Variants in HS2ST1 observed in about 807,000 individuals in gnomAD.
HS2ST1 encodes heparan sulfate 2-O-sulfotransferase 1, also known as 2-O-sulfotransferase.
Under a neutral mutation model 42.9 loss-of-function variants are expected in HS2ST1, and 18 were observed. The observed-to-expected ratio is 0.42, with a 90% CI of 0.29 to 0.62. The LOEUF is 0.62. Ranked by LOEUF, HS2ST1 falls within the 20% of genes least tolerant of loss-of-function variation. The pLI, the probability that HS2ST1 is intolerant of heterozygous loss-of-function variation, is 0.21. For synonymous variants in HS2ST1, 146 were observed against 152.9 expected (o/e 0.95, Z 0.33); for missense variants, 334 against 433.8 (o/e 0.77, Z 2.04).
At chr1:87,061,247 T>G (rs1398883748) in intron 1 of HS2ST1, among the ~76,000 whole-genome samples, 1 of 152,130 alleles carries the variant, frequency 6.6e-6, no homozygotes. Context: ...TTGGTAATTT[T>G]TTTGAAGTGA....
At chr1:87,096,268 TA>T (rs1652064593) in intron 4 of HS2ST1, among the ~76,000 whole-genome samples, 1 of 152,202 alleles carries the variant, frequency 6.6e-6, no homozygotes, top group African/African-American at 2.4e-5. Flanking sequence ...TTTGCTACAT[TA>T]AAATCTATTG....
intron 1 of HS2ST1, chr1:86,993,002 C>T (rs1316499626): frequency 1.6e-5 from 23 of 1,476,186 alleles, no homozygotes; most frequent in East Asian, 9.8e-5. Context: ...TGTTCCTTTC[C>T]TCCCAGTGTG....
At chr1:87,013,031 A>C (rs949949751) in intron 1 of HS2ST1, among the ~76,000 whole-genome samples, 1 of 152,160 alleles carries the variant, frequency 6.6e-6, no homozygotes, top group Non-Finnish European at 1.5e-5. Flanking sequence ...GACTGTGTTC[A>C]TGGGCTAGCT....
At chr1:87,065,256 A>G (rs951544609) in intron 1 of HS2ST1, among the ~76,000 whole-genome samples, 1 of 152,200 alleles carries the variant, frequency 6.6e-6, no homozygotes, top group Non-Finnish European at 1.5e-5. Context: ...CATTCCTAGA[A>G]AATGCAAAGG....
At chr1:87,082,065 A>G (rs2100642683) in intron 2 of HS2ST1, among the ~76,000 whole-genome samples, 1 of 152,212 alleles carries the variant, frequency 6.6e-6, no homozygotes, top group African/African-American at 2.4e-5. Context: ...AAAAAGGGAG[A>G]CCTTACAACT....
At chr1:86,921,531 T>C (rs1332726552) in intron 1 of HS2ST1, among the ~76,000 whole-genome samples, 4 of 152,108 alleles carry the variant, frequency 2.6e-5, no homozygotes, top group African/African-American at 9.7e-5. Context: ...GGAGGGTGTT[T>C]AGGTGATGAG....
chr1:86,957,164 C>A (rs1647698827), intron 1 of HS2ST1, among the ~76,000 whole-genome samples: 2 of 152,226 alleles, frequency 1.3e-5, no homozygotes, highest in South Asian at 4.1e-4. Context: ...CATTTATAGT[C>A]TAAGTTTCTT....
At chr1:86,952,963 A>G (rs1041977568) in intron 1 of HS2ST1, among the ~76,000 whole-genome samples, 1 of 152,162 alleles carries the variant, frequency 6.6e-6, no homozygotes, top group Non-Finnish European at 1.5e-5. Context: ...CTCTATAGCT[A>G]TGAAAGTCCT....
intron 1 of HS2ST1, among the ~76,000 whole-genome samples, chr1:86,974,354 G>T (rs1202368644): frequency 6.6e-6 from 1 of 152,178 alleles, no homozygotes; most frequent in Non-Finnish European, 1.5e-5. Context: ...GCATTGAAAT[G>T]AGTCCAGAGA....
chr1:86,935,614 C>T (rs1277176273), intron 1 of HS2ST1, among the ~76,000 whole-genome samples: 2 of 151,750 alleles, frequency 1.3e-5, no homozygotes, highest in Middle Eastern at 3.4e-3. Context: ...AGGCGTGCAC[C>T]ACCACTCCCA....
intron 1 of HS2ST1, among the ~76,000 whole-genome samples, chr1:86,985,405 TATACAC>T (rs1570464758): frequency 9.7e-5 from 3 of 30,954 alleles, no homozygotes; most frequent in Admixed American, 5.3e-4. Context: ...CACACATATA[TATACAC>T]ATATATATAC....
chr1:86,949,081 C>A (rs971825452), intron 1 of HS2ST1, among the ~76,000 whole-genome samples: 2 of 152,032 alleles, frequency 1.3e-5, no homozygotes, highest in African/African-American at 4.8e-5. Context: ...AGGAAACTTT[C>A]CTTAAAAAAT....
chr1:87,021,316 A>G (rs987330734), intron 1 of HS2ST1, among the ~76,000 whole-genome samples: 4 of 152,216 alleles, frequency 2.6e-5, no homozygotes, highest in African/African-American at 4.8e-5. Flanking sequence ...TACAGTATTC[A>G]TTAGTTCCCC....
chr1:87,023,693 A>G (rs1372367043), intron 1 of HS2ST1, among the ~76,000 whole-genome samples: 5 of 152,148 alleles, frequency 3.3e-5, no homozygotes, highest in Non-Finnish European at 5.9e-5. Flanking sequence ...CATGATAAGG[A>G]TATATTGAAT....
intron 1 of HS2ST1, among the ~76,000 whole-genome samples, chr1:87,043,689 G>C (rs1301011881): frequency 6.6e-6 from 1 of 151,994 alleles, no homozygotes; most frequent in East Asian, 1.9e-4. Context: ...GGAAAATATG[G>C]ATGTATATGT....
At chr1:86,993,395 A>G (rs540129903) in intron 1 of HS2ST1, among the ~76,000 whole-genome samples, 6 of 152,258 alleles carry the variant, frequency 3.9e-5, no homozygotes, top group African/African-American at 1.2e-4. Context: ...TCCTGCTTAC[A>G]TGTCTGCTGA....
At position 87,102,809 on chromosome 1, in the gene HS2ST1, C is replaced by T. The variant is rs1652248249; in HGVS notation, c.687-623C>T. ...ATTGAGAAAGGTGAAGCCACCAGCT[C>T]AAGATCATACTGCTACTTAAATGCA... On this transcript the variant is annotated intron_variant, in intron 5 of 6. Transcript: ENST00000370550. 2.0e-5 allele frequency among the ~76,000 whole-genome samples: 3 copies of T among 152,054 alleles called. No homozygotes were observed. In the South Asian group the frequency reaches 6.2e-4, roughly 32 times the overall value.
intron 3 of HS2ST1, among the ~76,000 whole-genome samples, chr1:87,087,825 A>G (rs1379585516): frequency 6.6e-6 from 1 of 152,082 alleles, no homozygotes; most frequent in East Asian, 1.9e-4. Flanking sequence ...CTCTTTCTAC[A>G]GCATTGATCC....
chr1:86,914,800 T>C lies in HS2ST1; in HGVS notation c.-237T>C, dbSNP rs1660102323. 5.5e-6 allele frequency: 3 copies of C among 542,536 alleles called. No homozygotes were observed. Among genetic ancestry groups the C allele is most frequent in the Non-Finnish European group, 9.8e-6 (3 of 306,788 alleles). 33.6% of individuals were successfully genotyped at this position (542,536 alleles called of 1,614,324 possible). A position where few individuals can be genotyped will look rare whatever the true frequency, so the allele number is the denominator to read the frequency against. On this transcript the variant is annotated 5_prime_UTR_variant, in exon 1 of 7. Coordinates refer to ENST00000370550, the MANE Select transcript of HS2ST1 (RefSeq NM_012262.4). ...TTCGCGCTGTTTGCTGCGCGGGCTT[T>C]TGGAGGGGGCGGCCGTTTAGTCGGC... is the stretch of plus-strand genomic sequence containing the variant.
Sources: allele counts gnomAD v4.1 joint callset (sites outside exome capture counted in the v4.1 genomes callset), GRCh38; gene constraint gnomAD v4.1.1; transcripts MANE v1.5; gene names NCBI Gene and HGNC (gene_info 2026-07-23, HGNC 2026-07-21).